The following UBA6 variants were observed in gnomAD, a reference collection of about 807,000 sequenced individuals.
The protein encoded by UBA6 is ubiquitin like modifier activating enzyme 6, also known as ubiquitin-like modifier-activating enzyme 6.
Under a neutral mutation model 148.3 loss-of-function variants are expected in UBA6, and 87 were observed. The ratio of observed to expected loss-of-function variants is 0.59; its 90% CI spans 0.49 to 0.70. UBA6 has a LOEUF of 0.70. UBA6 is among the 30% of genes least tolerant of loss of function. The pLI, the probability that UBA6 is intolerant of heterozygous loss-of-function variation, is 0.00. For synonymous variants in UBA6, 376 were observed against 401.0 expected (o/e 0.94, Z 0.75); for missense variants, 1,186 against 1,241.2 (o/e 0.96, Z 0.67).
At chr4:67,653,665 A>G (rs1388242212) in intron 13 of UBA6, among the ~76,000 whole-genome samples, 2 of 152,122 alleles carry the variant, frequency 1.3e-5, no homozygotes, top group African/African-American at 4.8e-5. Context: ...GCAACGGAAC[A>G]AAACTGGATG....
At chr4:67,678,232 C>T (rs1045999514) in intron 5 of UBA6, among the ~76,000 whole-genome samples, 2 of 147,296 alleles carry the variant, frequency 1.4e-5, no homozygotes, top group African/African-American at 5.0e-5. Context: ...AATTAAATAA[C>T]TATGACTGAT....
At chr4:67,651,159 C>G (rs550410242) in intron 13 of UBA6, among the ~76,000 whole-genome samples, 1 of 152,170 alleles carries the variant, frequency 6.6e-6, no homozygotes, top group South Asian at 2.1e-4. Flanking sequence ...AAAATCCACA[C>G]CCCCACAACT....
At chr4:67,674,468 T>C (rs1730229303) in intron 6 of UBA6, among the ~76,000 whole-genome samples, 1 of 152,208 alleles carries the variant, frequency 6.6e-6, no homozygotes, top group African/African-American at 2.4e-5. Flanking sequence ...TGTTCTTCTC[T>C]AAAGCAACCT....
chr4:67,687,594 G>GA (rs1476754162), intron 2 of UBA6, among the ~76,000 whole-genome samples: 2 of 152,118 alleles, frequency 1.3e-5, no homozygotes, highest in African/African-American at 4.8e-5. Context: ...AACTTGGAAG[G>GA]AAAAATCTGA....
chr4:67,673,096 A>C (rs557693047), intron 7 of UBA6, among the ~76,000 whole-genome samples: 9 of 152,346 alleles, frequency 5.9e-5, no homozygotes, highest in African/African-American at 2.2e-4. Context: ...TCTCCAATAC[A>C]TAGATAGTCA....
Position 67,635,491 on chromosome 4 carries a change from C to G in UBA6, c.1804G>C (p.Val602Leu). ...GTMGTKGHTE[V>L]IVPHLTESYN... ...GACTCAGTCAAATGCGGTACAATAA[C>G]TTCAGTGTGTCCCTTAGTGCCCATT... Residue 602 changes from valine to leucine, a missense_variant, in exon 20 of 33, where the codon GTT (valine) becomes CTT (leucine). Val to Leu is a conservative substitution (Grantham distance 32). Transcript: ENST00000322244. 2 of 1,612,012 alleles carry G rather than the reference C, an allele frequency of 1.2e-6. No homozygotes were observed. The highest frequency in any genetic ancestry group is 8.5e-7 in the Non-Finnish European group (1 of 1,178,350).
rs180944813 is a variant in UBA6, at chr4:67,694,334, A to T, written c.134+2311T>A. ...TTAAGTTAATTTTTAAAATCTAAGA[A>T]AATAAGAGCTGGTTATTGTGTGAAA... On this transcript the variant is annotated intron_variant, in intron 2 of 32. Coordinates refer to ENST00000322244, the MANE Select transcript of UBA6 (RefSeq NM_018227.6). 4.3e-4 allele frequency among the ~76,000 whole-genome samples: 64 copies of T among 149,878 alleles called. 1 individual carries two copies. The East Asian group carries it at 0.012, about 27-fold the overall frequency.
At position 67,649,048 on chromosome 4, in the gene UBA6, T is replaced by C. The variant is rs1308406134; in HGVS notation, c.1248+20A>G. The C allele has an allele frequency of 6.2e-7, 1 of 1,603,872 alleles. No homozygotes were observed. Among genetic ancestry groups the C allele is most frequent in the East Asian group, 2.2e-5 (1 of 44,806 alleles). On this transcript the variant is annotated intron_variant, in intron 14 of 32. Transcript: ENST00000322244. ...CCATTTCACGAGTAAAGAATTCAAC[T>C]TTAAAAACTCAGAACTAACCCACTG...
intron 32 of UBA6, 85 bp from the exon 33 acceptor site, chr4:67,619,217 C>T: frequency 9.9e-7 from 1 of 1,005,414 alleles, no homozygotes; most frequent in South Asian, 1.5e-5. Flanking sequence ...TCCAGAGAAC[C>T]TGGACTTGTA....
intron 6 of UBA6, among the ~76,000 whole-genome samples, chr4:67,676,199 T>C (rs1730276812): frequency 6.6e-6 from 1 of 151,982 alleles, no homozygotes; most frequent in Non-Finnish European, 1.5e-5. Flanking sequence ...AATTTTTGTA[T>C]TATTAGTAGA....
intron 17 of UBA6, 139 bp downstream of exon 17, chr4:67,644,559 G>A: frequency 1.7e-6 from 1 of 592,272 alleles, no homozygotes; most frequent in Admixed American, 2.9e-5. Context: ...GTGGTCAGAA[G>A]GGCATGACAA....
intron 32 of UBA6, among the ~76,000 whole-genome samples, 156 bp from the exon 33 acceptor site, chr4:67,619,288 G>T (rs1728698906): frequency 6.6e-6 from 1 of 152,084 alleles, no homozygotes; most frequent in Non-Finnish European, 1.5e-5. Context: ...TTACTAAAAG[G>T]TCTGAACTCA....
At chr4:67,637,088 C>CT (rs1293091786) in intron 19 of UBA6, among the ~76,000 whole-genome samples, 3 of 151,442 alleles carry the variant, frequency 2.0e-5, no homozygotes, top group Non-Finnish European at 2.9e-5. Flanking sequence ...GCCGCCCCGT[C>CT]TGAGAAGTGA....
intron 2 of UBA6, among the ~76,000 whole-genome samples, chr4:67,682,629 T>C (rs1221267687): frequency 1.3e-5 from 2 of 152,092 alleles, no homozygotes; most frequent in African/African-American, 4.8e-5. Flanking sequence ...ACAAAAAAAA[T>C]TTGGTTCTCT....
At position 67,665,180 on chromosome 4, in the gene UBA6, A is replaced by C; in HGVS notation, c.897+9T>G. The C allele has an allele frequency of 6.5e-7, 1 of 1,529,038 alleles. No individual in the cohort carries two copies. The highest frequency in any genetic ancestry group is 2.3e-5 in the East Asian group (1 of 43,400). 94.7% of individuals were successfully genotyped at this position (1,529,038 alleles called of 1,614,324 possible). A position where few individuals can be genotyped will look rare whatever the true frequency, so the allele number is the denominator to read the frequency against. On this transcript the variant is annotated intron_variant, in intron 10 of 32. Transcript: ENST00000322244. ...AAAATGTTTTTTAAGCCGAAAAAAA[A>C]ATACTTACAAAAAAAACTGTTTTAG...
At chr4:67,623,290 A>C (rs1728793994) in intron 30 of UBA6, 68 bp from the exon 31 acceptor site, 3 of 1,096,424 alleles carry the variant, frequency 2.7e-6, no homozygotes, top group South Asian at 1.4e-5. Flanking sequence ...ACACACACAC[A>C]AAAAAAACCC....
chr4:67,655,400 C>T (rs1560488747), intron 13 of UBA6, among the ~76,000 whole-genome samples: 1 of 152,138 alleles, frequency 6.6e-6, no homozygotes, highest in Non-Finnish European at 1.5e-5. Flanking sequence ...CAAAACCGCA[C>T]AACTACATGG....
chr4:67,664,415 C>G (rs193229390), intron 10 of UBA6, among the ~76,000 whole-genome samples: 1 of 151,960 alleles, frequency 6.6e-6, no homozygotes, highest in East Asian at 1.9e-4. Context: ...AGGAGCACAT[C>G]TGACTAGATA....
intron 2 of UBA6, among the ~76,000 whole-genome samples, chr4:67,688,019 G>C (rs12646549): frequency 0.12 from 18,530 of 152,156 alleles, 1,288 homozygotes; most frequent in South Asian, 0.21. Context: ...AATTCAAAAA[G>C]ACTGGTATTC....
Sources: gnomAD v4.1 joint callset for allele counts (sites outside exome capture counted in the v4.1 genomes callset) on GRCh38, gnomAD v4.1.1 for gene constraint, MANE v1.5 for transcripts, NCBI Gene and HGNC (gene_info 2026-07-23, HGNC 2026-07-21) for gene names.